The following SEMA4A variants were observed in gnomAD, a reference collection of about 807,000 sequenced individuals.
The protein encoded by SEMA4A is semaphorin 4A.
A neutral mutation model predicts 72.5 loss-of-function variants in SEMA4A; 52 were observed. That is an observed-to-expected ratio of 0.72 (90% CI 0.57 to 0.90). The LOEUF is 0.90. Ranked by LOEUF, SEMA4A falls within the 40% of genes least tolerant of loss-of-function variation. SEMA4A has a pLI of 0.00. For missense variants in SEMA4A, 926 were observed against 959.7 expected, an observed-to-expected ratio of 0.96 and a Z score of 0.46; for synonymous variants, 369 against 393.1, an observed-to-expected ratio of 0.94 and a Z score of 0.73.
rs1572396744 is a variant in SEMA4A at position 156,159,892 on chromosome 1, G to A, written c.569-551G>A. On this transcript the variant is annotated intron_variant, in intron 6 of 14. Transcript: ENST00000368285. ...GTTGTGATGGCACCACTGCACTCCA[G>A]CCTGGATGTGAGCAAGACCCTGTCT... 2.1e-5 allele frequency among the ~76,000 whole-genome samples: 3 copies of A among 145,746 alleles called. No homozygotes were observed. The South Asian group carries it at 6.5e-4, about 32-fold the overall frequency.
At position 156,156,429 on chromosome 1, in the gene SEMA4A, C is replaced by T; in HGVS notation, c.155C>T (p.Ala52Val). The T allele has an allele frequency of 6.2e-7, 1 of 1,614,114 alleles. No homozygotes were observed. Residue 52 changes from alanine to valine, a missense_variant, in exon 3 of 15, where the codon GCA becomes GTA. Transcript: ENST00000368285. ...CCTCCAACAGGGGATGAACGTAGGG[C>T]ACTTAGCTTCTTCCACCAGAAGGGC... Reference protein sequence around the residue: ...VRYYAGDERRALSFFHQKGLQ... With the variant: ...VRYYAGDERRVLSFFHQKGLQ...
chr1:156,169,407 CTTTTTTTTTTTTT>C (rs766983966), intron 10 of SEMA4A, among the ~76,000 whole-genome samples: 42 of 85,294 alleles, frequency 4.9e-4, no homozygotes, highest in African/African-American at 1.7e-3. Flanking sequence ...CTTTTCTTTT[CTTTTTTTTTTTTT>C]TTTTTTTTTT....
chr1:156,163,245 T>C (rs952427542), intron 10 of SEMA4A, 151 bp downstream of exon 10: 2 of 843,948 alleles, frequency 2.4e-6, no homozygotes, highest in Non-Finnish European at 1.9e-6. Context: ...TATAGCTGCC[T>C]ATATTCCACA....
chr1:156,173,431 T>G (rs1488961004), intron 11 of SEMA4A, among the ~76,000 whole-genome samples: 1 of 151,730 alleles, frequency 6.6e-6, no homozygotes, highest in Non-Finnish European at 1.5e-5. Flanking sequence ...TTGGTTTTGT[T>G]TTTTCCCCCT....
At chr1:156,161,717 G>A (rs1191047221) in intron 9 of SEMA4A, 199 bp downstream of exon 9, 2 of 585,658 alleles carry the variant, frequency 3.4e-6, no homozygotes. Flanking sequence ...ACGCAGAGAG[G>A]TTCTAACTAG....
At chr1:156,148,766 A>G (rs1414059424), upstream of SEMA4A, among the ~76,000 whole-genome samples, 1 of 151,242 alleles carries the variant, frequency 6.6e-6, no homozygotes, top group Non-Finnish European at 1.5e-5. Flanking sequence ...GCCAGCTGAC[A>G]GAGAGGCCAG....
At chr1:156,165,045 C>T (rs951963569) in intron 10 of SEMA4A, among the ~76,000 whole-genome samples, 4 of 152,166 alleles carry the variant, frequency 2.6e-5, no homozygotes, top group African/African-American at 9.7e-5. Flanking sequence ...AGTTGATCCT[C>T]CTACCTTGAC....
upstream of SEMA4A, among the ~76,000 whole-genome samples, chr1:156,149,081 C>T (rs372000062): frequency 3.9e-5 from 6 of 151,900 alleles, no homozygotes; most frequent in South Asian, 2.1e-4. Context: ...GGATTACAGG[C>T]GTGAGCCACC....
chr1:156,162,919 C>T, intron 9 of SEMA4A, 25 bp from the exon 10 acceptor site: 2 of 1,612,808 alleles, frequency 1.2e-6, no homozygotes, highest in Non-Finnish European at 8.5e-7. Flanking sequence ...AGACCACAGA[C>T]AATGTTCCCT....
At chr1:156,174,176 C>T (rs1263391612) in intron 11 of SEMA4A, among the ~76,000 whole-genome samples, 1 of 152,036 alleles carries the variant, frequency 6.6e-6, no homozygotes, top group African/African-American at 2.4e-5. Flanking sequence ...GCAAGACTGC[C>T]CAGGCAGACT....
intron 10 of SEMA4A, among the ~76,000 whole-genome samples, chr1:156,166,985 C>T (rs755718448): frequency 4.6e-5 from 7 of 151,826 alleles, no homozygotes; most frequent in Non-Finnish European, 8.8e-5. Context: ...CAAACAGTCT[C>T]GACCTCCTGG....
Position 156,176,590 on chromosome 1 carries a change from A to T in SEMA4A, c.1879A>T (p.Thr627Ser). The change falls in exon 15 of 15, where the codon ACT becomes TCT. Residue 627 changes from threonine (T) to serine (S), a missense_variant. Coordinates refer to ENST00000368285, the MANE Select transcript of SEMA4A (RefSeq NM_022367.4). ...TGGGGGTCTCTACCAGTGCTGGGCA[A>T]CTGAGAATGGCTTTTCATACCCTGT... ...GVGGLYQCWA[T>S]ENGFSYPVIS... 4 of 1,614,122 alleles carry T rather than the reference A, an allele frequency of 2.5e-6. No homozygotes were observed. The highest frequency in any genetic ancestry group is 3.4e-6 in the Non-Finnish European group (4 of 1,180,024).
At chr1:156,156,387 ACT>A (rs1653030273) in intron 2 of SEMA4A, 25 bp from the exon 3 acceptor site, 2 of 1,610,600 alleles carry the variant, frequency 1.2e-6, no homozygotes, top group African/African-American at 2.7e-5. Context: ...AGTCCTCATC[ACT>A]CTCTCTGTCT....
rs1220191176 is a variant in SEMA4A, at chr1:156,161,395, T to G, written c.860T>G (p.Leu287Arg). ...CTGCAGAAGAAGTGGACCACCTTCC[T>G]GAAGGCCCAGCTGCTCTGCACCCAG... The part of the protein sequence containing the change: ...KLLQKKWTTF[L>R]KAQLLCTQPG... Residue 287 changes from leucine (L) to arginine (R), a missense_variant, in exon 9 of 15, where the codon CTG becomes CGG. Coordinates refer to ENST00000368285, the MANE Select transcript of SEMA4A (RefSeq NM_022367.4). 6.5e-7 allele frequency: 1 copy of G among 1,545,414 alleles called. No individual in the cohort carries two copies. The highest frequency in any genetic ancestry group is 1.4e-5 in the African/African-American group (1 of 72,134).
chr1:156,160,358 G>A (rs1653472473), intron 6 of SEMA4A, 85 bp from the exon 7 acceptor site: 2 of 1,058,504 alleles, frequency 1.9e-6, no homozygotes, highest in Non-Finnish European at 3.0e-6. Context: ...TGATATGGAT[G>A]CCAGCCCCAG....
chr1:156,152,447 G>C (rs139381994), upstream of SEMA4A, among the ~76,000 whole-genome samples: 931 of 152,322 alleles, frequency 6.1e-3, 5 homozygotes, highest in Non-Finnish European at 9.8e-3. Flanking sequence ...GGGCAGACTG[G>C]CTTCCCAAAT....
intron 1 of SEMA4A, among the ~76,000 whole-genome samples, chr1:156,154,170 C>T (rs187759979): frequency 7.2e-4 from 109 of 152,284 alleles, no homozygotes; most frequent in Non-Finnish European, 1.0e-3. Context: ...AAAATGTTCC[C>T]TGCCCAGAGC....
chr1:156,158,810 C>T lies in SEMA4A; in HGVS notation c.554C>T (p.Thr185Met), dbSNP rs527470492. 10 of 1,613,606 alleles carry T rather than the reference C, an allele frequency of 6.2e-6. No homozygotes were observed. Among genetic ancestry groups the T allele is most frequent in the East Asian group, 4.5e-5 (2 of 44,880 alleles). Residue 185 changes from threonine (T) to methionine (M), a missense_variant, in exon 6 of 15, where the codon ACG becomes ATG. By Grantham distance (81) the Thr-to-Met change is moderately conservative (BLOSUM62 -1). Transcript: ENST00000368285. ...CCCTTTGACCCCGCTCACAAGCATA[C>T]GGCTGTCTTGGTGGGTGAGTATCAG... is the stretch of plus-strand genomic sequence containing the variant. ...QSPFDPAHKH[T>M]AVLVDGMLYS... is the part of the protein sequence containing the mutation.
intron 11 of SEMA4A, among the ~76,000 whole-genome samples, chr1:156,174,050 G>A (rs192126643): frequency 5.1e-4 from 78 of 152,230 alleles, no homozygotes; most frequent in Middle Eastern, 3.4e-3. Context: ...GGCAGAGGTT[G>A]CAATGAGCCA....
Sources: gnomAD v4.1 joint callset for allele counts (sites outside exome capture counted in the v4.1 genomes callset) on GRCh38, gnomAD v4.1.1 for gene constraint, MANE v1.5 for transcripts, NCBI Gene and HGNC (gene_info 2026-07-23, HGNC 2026-07-21) for gene names.